The following KLRC1 variants were observed in gnomAD, a reference collection of about 807,000 sequenced individuals.
KLRC1 encodes the protein NKG2-A/NKG2-B type II integral membrane protein.
A neutral mutation model predicts 25.9 loss-of-function variants in KLRC1; 22 were observed. The observed-to-expected ratio is 0.85, with a 90% CI of 0.61 to 1.21. KLRC1 has a LOEUF of 1.21. Ranked by LOEUF, KLRC1 falls within the 50% of genes most tolerant of loss-of-function variation. The probability of loss-of-function intolerance (pLI) is 0.00; values close to 1 mark genes in which losing one functional copy is unlikely to be tolerated. For synonymous variants in KLRC1, 77 were observed against 93.1 expected (o/e 0.83, Z 0.99); for missense variants, 240 against 272.2 (o/e 0.88, Z 0.83).
At chr12:10,442,976 G>A (rs1476101946), downstream of KLRC1, among the ~76,000 whole-genome samples, 4 of 89,386 alleles carry the variant, frequency 4.5e-5, no homozygotes, top group South Asian at 1.2e-3. Context: ...GTAGAAGGAT[G>A]GTTACCAGAG....
intron 2 of KLRC1, 122 bp downstream of exon 2, chr12:10,450,848 A>T: frequency 1.3e-6 from 1 of 776,410 alleles, no homozygotes; most frequent in Admixed American, 2.4e-5. Context: ...GCATATCTCA[A>T]CTTGGAATTC....
chr12:10,446,680 C>T lies in KLRC1; in HGVS notation c.591-18G>A, dbSNP rs759125102. ...CTTTTATCCTGTAATGGAGAAAAAT[C>T]CATATTCTGTTACATTTTAAGCAAA... is the stretch of plus-strand genomic sequence containing the variant. On this transcript the variant is annotated intron_variant, in intron 6 of 6. Transcript: ENST00000359151. The T allele has an allele frequency of 1.2e-6, 2 of 1,613,120 alleles. No homozygotes were observed. Among genetic ancestry groups the T allele is most frequent in the South Asian group, 2.2e-5 (2 of 91,064 alleles).
At chr12:10,447,442 C>G (rs1172550144) in intron 6 of KLRC1, 90 bp downstream of exon 6, 14 of 1,143,824 alleles carry the variant, frequency 1.2e-5, no homozygotes, top group African/African-American at 1.6e-5. Context: ...TTCTTCATCT[C>G]TATGATTCCA....
At chr12:10,452,949 C>T (rs1864154600) in intron 1 of KLRC1, among the ~76,000 whole-genome samples, 1 of 152,130 alleles carries the variant, frequency 6.6e-6, no homozygotes, top group Non-Finnish European at 1.5e-5. Context: ...ATGTTAATAG[C>T]TTTCCCTTAA....
At chr12:10,445,659 C>A (rs1432231058), downstream of KLRC1, among the ~76,000 whole-genome samples, 1 of 151,932 alleles carries the variant, frequency 6.6e-6, no homozygotes, top group East Asian at 1.9e-4. Context: ...TAAAATTGCT[C>A]GTTATATAGA....
In KLRC1 at chr12:10,453,285, T is replaced by C. The variant is rs1356420956; in HGVS notation, c.-119A>G. On this transcript the variant is annotated 5_prime_UTR_variant, in exon 1 of 7. Transcript: ENST00000359151. ...CCTGCTATAGCTGTGTAATAAAAGG[T>C]GAAATTTAAAGGCATAAATCCAAGA... 1.0e-6 allele frequency: 1 copy of C among 985,286 alleles called. No individual in the cohort carries two copies. The highest frequency in any genetic ancestry group is 1.2e-6 in the Non-Finnish European group (1 of 829,862). The allele number at this position is 985,286 out of a possible 1,614,324, so 61.0% of individuals were successfully genotyped here. A position where few individuals can be genotyped will look rare whatever the true frequency, so the allele number is the denominator to read the frequency against.
chr12:10,444,701 T>C (rs1863953122), downstream of KLRC1, among the ~76,000 whole-genome samples: 2 of 152,078 alleles, frequency 1.3e-5, no homozygotes, highest in South Asian at 4.1e-4. Context: ...GTCTACAAAC[T>C]CAGATGGCAT....
downstream of KLRC1, among the ~76,000 whole-genome samples, chr12:10,444,330 T>C (rs557804249): frequency 2.0e-5 from 3 of 146,782 alleles, no homozygotes; most frequent in South Asian, 6.4e-4. Flanking sequence ...TGAAAATGCT[T>C]TTAAAACTTG....
chr12:10,448,163 A>G (rs763538804), intron 5 of KLRC1, among the ~76,000 whole-genome samples: 87 of 152,158 alleles, frequency 5.7e-4, no homozygotes, highest in Non-Finnish European at 6.6e-4. Context: ...AAAAACAACT[A>G]TAAACTCTGG....
chr12:10,449,574 T>G (rs1195461351), intron 4 of KLRC1, among the ~76,000 whole-genome samples, 186 bp from the exon 5 acceptor site: 1 of 152,198 alleles, frequency 6.6e-6, no homozygotes. Flanking sequence ...AGGGTCAGCC[T>G]TTCATCTCCT....
upstream of KLRC1, chr12:10,454,639 A>T: frequency 6.1e-6 from 6 of 985,262 alleles, no homozygotes; most frequent in Non-Finnish European, 7.2e-6. Context: ...GTCCTACAGA[A>T]GATACTAAAA....
upstream of KLRC1, chr12:10,454,571 C>G (rs1864179217): frequency 1.0e-6 from 1 of 982,796 alleles, no homozygotes; most frequent in Non-Finnish European, 1.2e-6. Flanking sequence ...CCTTCACCCA[C>G]AGAGACTTCC....
At chr12:10,445,537 T>C (rs1351527007), downstream of KLRC1, among the ~76,000 whole-genome samples, 2 of 152,170 alleles carry the variant, frequency 1.3e-5, no homozygotes, top group Admixed American at 1.3e-4. Context: ...AGAACTTTGA[T>C]TGTACCTTCT....
chr12:10,446,037 T>C lies in KLRC1; in HGVS notation c.*514A>G, dbSNP rs1033701848. The C allele has an allele frequency of 5.3e-5, 8 of 152,186 alleles. No individual in the cohort carries two copies. Among genetic ancestry groups the C allele is most frequent in the African/African-American group, 1.9e-4 (8 of 41,526 alleles). 9.4% of individuals were successfully genotyped at this position (152,186 alleles called of 1,614,324 possible). On this transcript the variant is annotated 3_prime_UTR_variant, in exon 7 of 7. Transcript: ENST00000359151. ...TAATCCCAGGAGAGGCTTTTTTTTT[T>C]TTTCTGGATAGCTTTATTGAAGTGT...
chr12:10,454,391 C>T (rs1864175606), upstream of KLRC1: 1 of 152,762 alleles, frequency 6.5e-6, no homozygotes, highest in African/African-American at 2.4e-5. Flanking sequence ...TTGCCTTCAG[C>T]CCCATTTAGG....
intron 3 of KLRC1, 181 bp downstream of exon 3, chr12:10,450,303 G>A (rs574770218): frequency 2.7e-5 from 14 of 514,906 alleles, no homozygotes; most frequent in South Asian, 1.3e-4. Flanking sequence ...CATCAGAAGC[G>A]AATACTTTCA....
chr12:10,451,100 C>T lies in KLRC1; in HGVS notation c.57G>A (p.Arg19=). 1 of 1,613,968 alleles carries T rather than the reference C, an allele frequency of 6.2e-7. No individual in the cohort carries two copies. Among genetic ancestry groups the T allele is most frequent in the South Asian group, 1.1e-5 (1 of 91,076 alleles). The change falls in exon 2 of 7, where the codon AGG becomes AGA. Residue 19 remains arginine (R), a synonymous_variant. Transcript: ENST00000359151. ...TATTGCCTTTAGGTTTTCGTTGCTG[C>T]CTCTTTGGGTTTGGGGGCAGATTCA... The part of the protein sequence containing the change: ...SDLNLPPNPK[R]QQRKPKGNKN...
downstream of KLRC1, among the ~76,000 whole-genome samples, chr12:10,445,598 A>G (rs937129697): frequency 3.9e-5 from 6 of 152,182 alleles, no homozygotes; most frequent in African/African-American, 1.4e-4. Flanking sequence ...TGAAAATAAA[A>G]CTACGTTATA....
chr12:10,444,558 C>A (rs1037772631), downstream of KLRC1, among the ~76,000 whole-genome samples: 1 of 152,164 alleles, frequency 6.6e-6, no homozygotes, highest in African/African-American at 2.4e-5. Flanking sequence ...ATTTTCATTA[C>A]ATTTTAATGT....
Sources: allele counts gnomAD v4.1 joint callset (sites outside exome capture counted in the v4.1 genomes callset), GRCh38; gene constraint gnomAD v4.1.1; transcripts MANE v1.5; gene names NCBI Gene and HGNC (gene_info 2026-07-23, HGNC 2026-07-21).